The following ATP9B variants were observed in gnomAD, a reference collection of about 807,000 sequenced individuals.
ATP9B encodes ATPase phospholipid transporting 9B.
ATP9B carries 110 observed loss-of-function variants against 146.1 expected under a neutral mutation model. The observed-to-expected ratio is 0.75, with a 90% CI of 0.65 to 0.88. The LOEUF is 0.88. Among genes scored for constraint, ATP9B ranks in the 40% least tolerant of loss-of-function variants. The probability of loss-of-function intolerance (pLI) is 0.00; values close to 1 mark genes in which losing one functional copy is unlikely to be tolerated. For synonymous variants in ATP9B, 604 were observed against 569.7 expected, an observed-to-expected ratio of 1.06 and a Z score of -0.86; for missense variants, 1,499 against 1,496.4, an observed-to-expected ratio of 1.00 and a Z score of -0.03.
At chr18:79,070,195 G>T (rs1346305419) in intron 1 of ATP9B, among the ~76,000 whole-genome samples, 2 of 152,164 alleles carry the variant, frequency 1.3e-5, no homozygotes, top group African/African-American at 4.8e-5. Context: ...TCAAAGAAAA[G>T]AAAATTTTAA....
chr18:79,117,331 C>T lies in ATP9B; in HGVS notation c.558+3977C>T, dbSNP rs1291856936. ...GGCAGTATATAAACTCCTAATGCCACGTAGCCATCCATCAGGCTATGAAGA... is the reference window on the plus strand; with the variant it reads ...GGCAGTATATAAACTCCTAATGCCATGTAGCCATCCATCAGGCTATGAAGA... On this transcript the variant is annotated intron_variant, in intron 4 of 29. Coordinates refer to ENST00000426216, the MANE Select transcript of ATP9B (RefSeq NM_198531.5). 4 of 152,116 alleles carry T rather than the reference C, an allele frequency of 2.6e-5. No homozygotes were observed. The East Asian group carries it at 7.7e-4, about 29-fold the overall frequency. The allele number at this position is 152,116 out of a possible 1,614,324, so 9.4% of individuals were successfully genotyped here. A position where few individuals can be genotyped will look rare whatever the true frequency, so the allele number is the denominator to read the frequency against.
At chr18:79,293,661 C>A (rs2096527462) in intron 13 of ATP9B, among the ~76,000 whole-genome samples, 1 of 152,150 alleles carries the variant, frequency 6.6e-6, no homozygotes, top group South Asian at 2.1e-4. Context: ...AAATTAATTA[C>A]CCAGTCTCAG....
chr18:79,170,871 A>G (rs970333750), intron 7 of ATP9B, among the ~76,000 whole-genome samples: 1 of 152,238 alleles, frequency 6.6e-6, no homozygotes, highest in African/African-American at 2.4e-5. Flanking sequence ...AGTTGTAGGC[A>G]CTAAAACACA....
intron 12 of ATP9B, among the ~76,000 whole-genome samples, chr18:79,269,407 G>A (rs1455155989): frequency 6.6e-6 from 1 of 152,070 alleles, no homozygotes; most frequent in East Asian, 1.9e-4. Flanking sequence ...TTTAATTATT[G>A]ATATTTCTTA....
chr18:79,265,655 C>A (rs748618221), intron 12 of ATP9B, among the ~76,000 whole-genome samples: 3 of 151,936 alleles, frequency 2.0e-5, no homozygotes, highest in Non-Finnish European at 4.4e-5. Context: ...TCTGTTCACT[C>A]TGCTGTTAAG....
intron 7 of ATP9B, among the ~76,000 whole-genome samples, chr18:79,176,104 A>G (rs2095164971): frequency 6.6e-6 from 1 of 152,120 alleles, no homozygotes; most frequent in African/African-American, 2.4e-5. Flanking sequence ...GTATTGCCGT[A>G]TGTGCTCTGT....
chr18:79,146,648 T>C (rs2147491516), intron 6 of ATP9B: 1 of 266,714 alleles, frequency 3.7e-6, no homozygotes, highest in Non-Finnish European at 7.4e-6. Flanking sequence ...AGGTCCATGC[T>C]GCATATCGGG....
At chr18:79,089,810 A>G (rs887710439) in intron 1 of ATP9B, among the ~76,000 whole-genome samples, 4 of 152,356 alleles carry the variant, frequency 2.6e-5, no homozygotes, top group Middle Eastern at 3.4e-3. Flanking sequence ...GAAATACACA[A>G]TAAGTTACTC....
chr18:79,217,837 C>T (rs1040269178), intron 11 of ATP9B, among the ~76,000 whole-genome samples: 12 of 152,172 alleles, frequency 7.9e-5, no homozygotes, highest in East Asian at 3.8e-4. Flanking sequence ...GCAAACAAAA[C>T]GGTAAACATG....
chr18:79,136,587 A>G (rs1211705757), intron 5 of ATP9B, among the ~76,000 whole-genome samples: 3 of 151,880 alleles, frequency 2.0e-5, no homozygotes, highest in Non-Finnish European at 4.4e-5. Flanking sequence ...CCTGTATTAG[A>G]CTGTTTGAGG....
At chr18:79,324,258 C>G (rs1343576215) in intron 15 of ATP9B, among the ~76,000 whole-genome samples, 1 of 151,962 alleles carries the variant, frequency 6.6e-6, no homozygotes, top group Non-Finnish European at 1.5e-5. Context: ...TGTGGGTTTT[C>G]TCTTCACTTT....
intron 9 of ATP9B, among the ~76,000 whole-genome samples, chr18:79,198,056 A>C (rs576717738): frequency 1.3e-5 from 2 of 152,202 alleles, no homozygotes; most frequent in Non-Finnish European, 2.9e-5. Flanking sequence ...AATCCCAACT[A>C]TAGTTGAATA....
intron 1 of ATP9B, among the ~76,000 whole-genome samples, chr18:79,089,616 T>G (rs1012613913): frequency 6.6e-6 from 1 of 152,204 alleles, no homozygotes; most frequent in Non-Finnish European, 1.5e-5. Context: ...TGAAAAAAAA[T>G]TATTGTTAAT....
At chr18:79,317,826 T>G (rs983320302) in intron 15 of ATP9B, among the ~76,000 whole-genome samples, 1 of 152,206 alleles carries the variant, frequency 6.6e-6, no homozygotes, top group African/African-American at 2.4e-5. Context: ...CAGAAATGGC[T>G]GATTCTAGAA....
At chr18:79,294,399 C>T (rs1325648990) in intron 13 of ATP9B, among the ~76,000 whole-genome samples, 1 of 152,250 alleles carries the variant, frequency 6.6e-6, no homozygotes, top group Non-Finnish European at 1.5e-5. Flanking sequence ...TGCGCTGCAG[C>T]AGTCTCCACG....
chr18:79,073,160 G>T (rs1021230683), intron 1 of ATP9B, among the ~76,000 whole-genome samples: 6 of 152,078 alleles, frequency 3.9e-5, no homozygotes, highest in African/African-American at 1.4e-4. Context: ...AGGCCGGGCA[G>T]ACGGGCTCCT....
At chr18:79,331,636 C>T (rs1008341254) in intron 17 of ATP9B, among the ~76,000 whole-genome samples, 6 of 151,940 alleles carry the variant, frequency 3.9e-5, no homozygotes, top group African/African-American at 7.3e-5. Context: ...GCAGATTCTT[C>T]GAGCTGGAGT....
At chr18:79,296,491 G>A (rs1234227775) in intron 13 of ATP9B, among the ~76,000 whole-genome samples, 2 of 152,166 alleles carry the variant, frequency 1.3e-5, no homozygotes, top group Admixed American at 6.5e-5. Context: ...CGTCAATAAC[G>A]AGGTAAAAAA....
At chr18:79,326,417 C>T (rs1470408387) in intron 15 of ATP9B, among the ~76,000 whole-genome samples, 2 of 143,376 alleles carry the variant, frequency 1.4e-5, no homozygotes, top group Non-Finnish European at 3.1e-5. Context: ...TCTCTGTACC[C>T]TCCCTCCCCT....
Sources: gnomAD v4.1 joint callset for allele counts (sites outside exome capture counted in the v4.1 genomes callset) on GRCh38, gnomAD v4.1.1 for gene constraint, MANE v1.5 for transcripts, NCBI Gene and HGNC (gene_info 2026-07-23, HGNC 2026-07-21) for gene names.